RORB: variants seen among roughly 807,000 people sequenced by gnomAD.
RORB encodes RAR related orphan receptor B.
A neutral mutation model predicts 59.1 loss-of-function variants in RORB; 6 were observed. That is an observed-to-expected ratio of 0.10 (90% CI 0.06 to 0.20). The LOEUF (loss-of-function observed/expected upper bound fraction) is 0.20. RORB is among the 10% of genes least tolerant of loss of function. RORB has a pLI of 1.00. For missense variants in RORB, 320 were observed against 560.5 expected, an observed-to-expected ratio of 0.57 and a Z score of 4.33; for synonymous variants, 215 against 204.5, an observed-to-expected ratio of 1.05 and a Z score of -0.44.
chr9:74,502,923 C>T (rs1238904028), intron 1 of RORB, among the ~76,000 whole-genome samples: 1 of 151,862 alleles, frequency 6.6e-6, no homozygotes, highest in Non-Finnish European at 1.5e-5. Flanking sequence ...GACTAAACTA[C>T]TTCTGTATTT....
rs929317034 is a variant in RORB, at chr9:74,688,946, G to T, written c.*3328G>T. Reference sequence around the variant, plus strand: ...TAAAATGGACAAGGGAGGTGAAACCGGGTGAATTCAAACTTCAGTGTATTT... The same window carrying T: ...TAAAATGGACAAGGGAGGTGAAACCTGGTGAATTCAAACTTCAGTGTATTT... On this transcript the variant is annotated 3_prime_UTR_variant, in exon 10 of 10. Transcript: ENST00000376896. The T allele has an allele frequency of 6.6e-6, 1 of 152,168 alleles. No individual in the cohort carries two copies. Among genetic ancestry groups the T allele is most frequent in the African/African-American group, 2.4e-5 (1 of 41,452 alleles). The allele number at this position is 152,168 out of a possible 1,614,324, so 9.4% of individuals were successfully genotyped here.
intron 3 of RORB, among the ~76,000 whole-genome samples, chr9:74,640,193 G>A (rs917890044): frequency 2.7e-4 from 41 of 152,160 alleles, no homozygotes; most frequent in Admixed American, 6.5e-4. Context: ...TACTTAGGCA[G>A]TATCAGAAAG....
At chr9:74,608,677 T>TGC (rs920334536) in intron 1 of RORB, among the ~76,000 whole-genome samples, 1 of 89,108 alleles carries the variant, frequency 1.1e-5, no homozygotes, top group African/African-American at 3.5e-5. Context: ...GGAAAATACT[T>TGC]AAAACTGTGA....
intron 1 of RORB, among the ~76,000 whole-genome samples, chr9:74,561,354 T>C (rs970568458): frequency 2.6e-5 from 4 of 152,282 alleles, no homozygotes; most frequent in African/African-American, 9.6e-5. Flanking sequence ...GGTACTAAAG[T>C]AAATATCTTA....
rs936704244 is a variant in RORB at position 74,593,323 on chromosome 9, A to G, written c.8-36959A>G. On this transcript the variant is annotated intron_variant, in intron 1 of 9. Transcript: ENST00000376896. ...CTCTACTAAAAATACAAAATTAGCC[A>G]GGCACAGTGGTGTACGCCTATAATC... 2.0e-5 allele frequency among the ~76,000 whole-genome samples: 3 copies of G among 151,978 alleles called. No individual in the cohort carries two copies. In the East Asian group the frequency reaches 5.8e-4, roughly 30 times the overall value.
chr9:74,568,707 A>AAAAAAAAG (rs1822505116), intron 1 of RORB, among the ~76,000 whole-genome samples: 1 of 151,616 alleles, frequency 6.6e-6, no homozygotes, highest in Non-Finnish European at 1.5e-5. Flanking sequence ...CTCAAAAAAA[A>AAAAAAAAG]AAAAAAAGAA....
At chr9:74,575,379 A>G (rs756151938) in intron 1 of RORB, among the ~76,000 whole-genome samples, 4 of 152,002 alleles carry the variant, frequency 2.6e-5, no homozygotes, top group Non-Finnish European at 5.9e-5. Context: ...TTTTCACCCA[A>G]GTCGATTGTT....
Position 74,533,184 on chromosome 9 carries a change from G to A in RORB, c.7+35201G>A, listed in dbSNP as rs540830036. ...ACATTGTTCAAAGACTTTCTAATTC[G>A]TTTTATAGAATTATCTCACAAACGT... On this transcript the variant is annotated intron_variant, in intron 1 of 9. Coordinates refer to ENST00000376896, the MANE Select transcript of RORB (RefSeq NM_006914.4). 9.3e-4 allele frequency among the ~76,000 whole-genome samples: 141 copies of A among 151,868 alleles called. 1 individual carries two copies. Among genetic ancestry groups the A allele is most frequent in the Non-Finnish European group, 1.0e-3 (68 of 67,932 alleles).
rs1824717581 is a variant in RORB, at chr9:74,690,178, T to A, written c.*4560T>A. On this transcript the variant is annotated 3_prime_UTR_variant, in exon 10 of 10. Transcript: ENST00000376896. ...TGTTATTTGATGTTCTGTTTCCAAC[T>A]GTCAGTATAAGCAGCAACTAGAGTA... is the stretch of plus-strand genomic sequence containing the variant. 1 of 152,170 alleles carries A rather than the reference T, an allele frequency of 6.6e-6. No homozygotes were observed. The highest frequency in any genetic ancestry group is 6.6e-5 in the Admixed American group (1 of 15,266). The allele number at this position is 152,170 out of a possible 1,614,324, so 9.4% of individuals were successfully genotyped here. A position where few individuals can be genotyped will look rare whatever the true frequency, so the allele number is the denominator to read the frequency against.
At chr9:74,606,855 A>C (rs1823157594) in intron 1 of RORB, among the ~76,000 whole-genome samples, 1 of 152,192 alleles carries the variant, frequency 6.6e-6, no homozygotes, top group Non-Finnish European at 1.5e-5. Flanking sequence ...AAATAGCAAT[A>C]AATGAACCAA....
chr9:74,511,141 T>A (rs115688045), intron 1 of RORB, among the ~76,000 whole-genome samples: 2,149 of 152,264 alleles, frequency 0.014, 40 homozygotes, highest in African/African-American at 0.041. Context: ...ATGTAATATG[T>A]ATTCACTGTG....
At chr9:74,662,951 A>T (rs1172015458) in intron 6 of RORB, among the ~76,000 whole-genome samples, 2 of 152,046 alleles carry the variant, frequency 1.3e-5, no homozygotes, top group Non-Finnish European at 2.9e-5. Flanking sequence ...GGAAAAAAAA[A>T]AAATGCAGGC....
rs1013691653 is a variant in RORB, at chr9:74,544,315, C to G, written c.7+46332C>G. On this transcript the variant is annotated intron_variant, in intron 1 of 9. Coordinates refer to ENST00000376896, the MANE Select transcript of RORB (RefSeq NM_006914.4). ...GCAAGCCCTCTTTTCCTCACTCACA[C>G]ACACGCAAAGACTGTTCTTCGGTTT... Among the ~76,000 whole-genome samples the G allele has an allele frequency of 2.6e-5, 4 of 152,312 alleles. No homozygotes were observed. In the South Asian group the frequency reaches 8.3e-4, roughly 32 times the overall value.
chr9:74,557,608 T>C (rs751136688), intron 1 of RORB, among the ~76,000 whole-genome samples: 3 of 152,160 alleles, frequency 2.0e-5, no homozygotes, highest in African/African-American at 4.8e-5. Flanking sequence ...CCAATACTTA[T>C]GATTTGGACT....
chr9:74,649,101 T>A (rs1225415781), intron 4 of RORB, among the ~76,000 whole-genome samples: 2 of 152,008 alleles, frequency 1.3e-5, no homozygotes, highest in Non-Finnish European at 2.9e-5. Context: ...GTAGCTGGGA[T>A]TACAGGCCTG....
At chr9:74,558,174 A>G (rs1822336659) in intron 1 of RORB, among the ~76,000 whole-genome samples, 1 of 152,128 alleles carries the variant, frequency 6.6e-6, no homozygotes, top group Admixed American at 6.6e-5. Flanking sequence ...GATTAATGTT[A>G]TATTCCATTT....
rs146271014 is a variant in RORB, at chr9:74,639,902, T to C, written c.236-2512T>C. 1.1e-3 allele frequency among the ~76,000 whole-genome samples: 168 copies of C among 152,338 alleles called. 1 individual carries two copies. Among genetic ancestry groups the C allele is most frequent in the African/African-American group, 3.9e-3 (161 of 41,570 alleles). ...TAATAAATTGGTTAGAAAGATGTAATATAAAGATACAGAGGAAGCTTGCCC... is the reference window on the plus strand; with the variant it reads ...TAATAAATTGGTTAGAAAGATGTAACATAAAGATACAGAGGAAGCTTGCCC... On this transcript the variant is annotated intron_variant, in intron 3 of 9. Transcript: ENST00000376896.
At chr9:74,574,913 A>G (rs1822609070) in intron 1 of RORB, among the ~76,000 whole-genome samples, 4 of 152,138 alleles carry the variant, frequency 2.6e-5, no homozygotes, top group African/African-American at 4.8e-5. Context: ...TCCCAATCAC[A>G]CTGCTCAGTG....
intron 4 of RORB, among the ~76,000 whole-genome samples, chr9:74,659,825 A>G (rs898211988): frequency 1.3e-5 from 2 of 152,202 alleles, no homozygotes; most frequent in Non-Finnish European, 2.9e-5. Context: ...ACAATGTGAA[A>G]TACAACTCGA....
Sources: gnomAD v4.1 joint callset for allele counts (sites outside exome capture counted in the v4.1 genomes callset) on GRCh38, gnomAD v4.1.1 for gene constraint, MANE v1.5 for transcripts, NCBI Gene and HGNC (gene_info 2026-07-23, HGNC 2026-07-21) for gene names.